The following METTL15 variants were observed in gnomAD, a reference collection of about 807,000 sequenced individuals.
The protein encoded by METTL15 is 12S rRNA N(4)-cytidine methyltransferase METTL15.
Under a neutral mutation model 38.3 loss-of-function variants are expected in METTL15, and 34 were observed. The ratio of observed to expected loss-of-function variants is 0.89; its 90% CI spans 0.68 to 1.18. METTL15 has a LOEUF of 1.18. Ranked by LOEUF, METTL15 falls within the 50% of genes most tolerant of loss-of-function variation. METTL15 has a pLI of 0.00. For missense variants in METTL15, 438 were observed against 498.4 expected, an observed-to-expected ratio of 0.88 and a Z score of 1.15; for synonymous variants, 162 against 170.9, an observed-to-expected ratio of 0.95 and a Z score of 0.41.
At chr11:28,280,933 A>G (rs1405551241) in intron 4 of METTL15, among the ~76,000 whole-genome samples, 1 of 150,562 alleles carries the variant, frequency 6.6e-6, no homozygotes. Flanking sequence ...GAGTATATTA[A>G]CCAGTTATCT....
intron 6 of METTL15, among the ~76,000 whole-genome samples, chr11:28,317,397 G>A (rs187302682): frequency 1.1e-3 from 167 of 151,634 alleles, no homozygotes; most frequent in African/African-American, 2.2e-3. Flanking sequence ...CATGGGTTGC[G>A]TCACCGAGAC....
chr11:28,236,726 G>A (rs1030616468), intron 4 of METTL15, among the ~76,000 whole-genome samples: 3 of 152,162 alleles, frequency 2.0e-5, no homozygotes, highest in African/African-American at 7.2e-5. Context: ...GCATGATTTT[G>A]TAGTGGCTGG....
At chr11:28,218,237 G>A (rs922655747) in intron 4 of METTL15, among the ~76,000 whole-genome samples, 1 of 152,070 alleles carries the variant, frequency 6.6e-6, no homozygotes, top group Non-Finnish European at 1.5e-5. Context: ...ATTTCCTTGA[G>A]CCGTGGTTTG....
intron 6 of METTL15, among the ~76,000 whole-genome samples, chr11:28,312,565 C>G (rs573441182): frequency 6.6e-6 from 1 of 151,998 alleles, no homozygotes; most frequent in African/African-American, 2.4e-5. Flanking sequence ...TTTCTTTGTT[C>G]TTTTTTTCTT....
At chr11:28,316,904 C>A (rs920651108) in intron 6 of METTL15, among the ~76,000 whole-genome samples, 4 of 152,212 alleles carry the variant, frequency 2.6e-5, no homozygotes, top group Non-Finnish European at 5.9e-5. Context: ...CCAAGTGGAA[C>A]TGTAAGTCCA....
intron 4 of METTL15, among the ~76,000 whole-genome samples, chr11:28,233,045 AT>A (rs1047731495): frequency 2.0e-5 from 3 of 151,874 alleles, no homozygotes; most frequent in African/African-American, 7.3e-5. Flanking sequence ...ATTAGCCTTT[AT>A]TTTTTTTAAA....
At chr11:28,201,908 A>G (rs1046142346) in intron 3 of METTL15, among the ~76,000 whole-genome samples, 1 of 152,134 alleles carries the variant, frequency 6.6e-6, no homozygotes, top group African/African-American at 2.4e-5. Flanking sequence ...CATATTCTGT[A>G]TGGCTAGAAA....
chr11:28,312,372 A>G (rs1857335053), intron 6 of METTL15, among the ~76,000 whole-genome samples: 1 of 152,190 alleles, frequency 6.6e-6, no homozygotes. Flanking sequence ...ACAGTTATGC[A>G]TAGTCTCCTG....
chr11:28,344,497 C>T (rs1849980780), intron 3 of METTL15, among the ~76,000 whole-genome samples: 1 of 152,096 alleles, frequency 6.6e-6, no homozygotes, highest in Non-Finnish European at 1.5e-5. Context: ...GGCTCCAGTC[C>T]AATAACTCCT....
chr11:28,451,247 A>G (rs1046980627), intron 6 of METTL15, among the ~76,000 whole-genome samples: 7 of 152,084 alleles, frequency 4.6e-5, no homozygotes, highest in Non-Finnish European at 7.4e-5. Context: ...GCCAACATCA[A>G]TTGGAGATTA....
intron 4 of METTL15, among the ~76,000 whole-genome samples, chr11:28,265,270 G>C (rs1855366841): frequency 6.6e-6 from 1 of 151,228 alleles, no homozygotes; most frequent in South Asian, 2.1e-4. Flanking sequence ...CTTTCTGCTT[G>C]TCTCTTTCCC....
At chr11:28,217,558 T>C (rs1852951627) in intron 4 of METTL15, among the ~76,000 whole-genome samples, 1 of 152,174 alleles carries the variant, frequency 6.6e-6, no homozygotes, top group South Asian at 2.1e-4. Context: ...AGCTCTTTAG[T>C]TTAATTAGAT....
chr11:28,252,358 G>A (rs1854780043), intron 4 of METTL15, among the ~76,000 whole-genome samples: 1 of 151,994 alleles, frequency 6.6e-6, no homozygotes, highest in Non-Finnish European at 1.5e-5. Flanking sequence ...CCAGTAAATT[G>A]CCATTCCCGT....
At chr11:28,489,193 C>G (rs1471580563) in intron 6 of METTL15, among the ~76,000 whole-genome samples, 1 of 152,126 alleles carries the variant, frequency 6.6e-6, no homozygotes, top group African/African-American at 2.4e-5. Context: ...AACATCCTCT[C>G]TAAAGCCTTT....
At chr11:28,220,930 A>C (rs997217268) in intron 4 of METTL15, among the ~76,000 whole-genome samples, 2 of 152,130 alleles carry the variant, frequency 1.3e-5, no homozygotes, top group African/African-American at 4.8e-5. Flanking sequence ...GGAGAGATCA[A>C]CTGTTAGTCT....
chr11:28,257,176 T>C (rs923962118), intron 4 of METTL15, among the ~76,000 whole-genome samples: 1 of 152,176 alleles, frequency 6.6e-6, no homozygotes, highest in Non-Finnish European at 1.5e-5. Context: ...GGATAAAATA[T>C]TTTTTTCTTT....
chr11:28,517,462 C>T (rs1335081023), intron 6 of METTL15: 1 of 152,082 alleles, frequency 6.6e-6, no homozygotes, highest in Non-Finnish European at 1.5e-5. Flanking sequence ...AAGAGGCAAT[C>T]CTTTCGTTGT....
At chr11:28,259,474 C>T (rs1330979729) in intron 4 of METTL15, among the ~76,000 whole-genome samples, 2 of 152,180 alleles carry the variant, frequency 1.3e-5, no homozygotes, top group Non-Finnish European at 2.9e-5. Flanking sequence ...GTCCTTGTGG[C>T]ACAGACTGCC....
intron 5 of METTL15, among the ~76,000 whole-genome samples, chr11:28,294,135 A>C (rs904522704): frequency 6.6e-6 from 1 of 152,038 alleles, no homozygotes; most frequent in African/African-American, 2.4e-5. Context: ...TCTTGTGCCA[A>C]TTTTCAAAGG....
Sources: allele counts gnomAD v4.1 joint callset (sites outside exome capture counted in the v4.1 genomes callset), GRCh38; gene constraint gnomAD v4.1.1; transcripts MANE v1.5; gene names NCBI Gene and HGNC (gene_info 2026-07-23, HGNC 2026-07-21).